The following CNTN5 variants were observed in gnomAD, a reference collection of about 807,000 sequenced individuals.
CNTN5 encodes contactin 5.
Under a neutral mutation model 129.1 loss-of-function variants are expected in CNTN5, and 77 were observed. The observed-to-expected ratio is 0.60, with a 90% CI of 0.50 to 0.72. CNTN5 has a LOEUF of 0.72. Among genes scored for constraint, CNTN5 ranks in the 30% least tolerant of loss-of-function variants. The probability of loss-of-function intolerance (pLI) is 0.00; values close to 1 mark genes in which losing one functional copy is unlikely to be tolerated. For synonymous variants in CNTN5, 509 were observed against 465.6 expected, an observed-to-expected ratio of 1.09 and a Z score of -1.20; for missense variants, 1,478 against 1,328.8, an observed-to-expected ratio of 1.11 and a Z score of -1.75.
chr11:100,050,176 G>A lies in CNTN5; in HGVS notation c.981-11036G>A, dbSNP rs892700197. On this transcript the variant is annotated intron_variant, in intron 9 of 24. Transcript: ENST00000524871. The stretch of plus-strand genomic sequence containing the variant: ...TGCTGCTATAAAGACACATGCACAC[G>A]TATGTTTATTGTGGCACTATTCACA... Among the ~76,000 whole-genome samples the A allele has an allele frequency of 7.4e-3, 1,120 of 152,190 alleles. 11 individuals carry two copies. The highest frequency in any genetic ancestry group is 0.025 in the African/African-American group (1,023 of 41,502).
chr11:99,393,408 A>G (rs777049360), intron 2 of CNTN5, among the ~76,000 whole-genome samples: 9 of 151,838 alleles, frequency 5.9e-5, no homozygotes, highest in Non-Finnish European at 1.3e-4. Context: ...TCCAGGCCCT[A>G]GGATAAATGT....
intron 9 of CNTN5, among the ~76,000 whole-genome samples, chr11:100,015,046 A>G (rs532016346): frequency 5.9e-5 from 9 of 152,268 alleles, no homozygotes; most frequent in African/African-American, 1.9e-4. Flanking sequence ...ATTACCATAA[A>G]TGTCTCTTAA....
chr11:99,338,949 T>A (rs1225088249), intron 2 of CNTN5, among the ~76,000 whole-genome samples: 3 of 134,444 alleles, frequency 2.2e-5, no homozygotes, highest in African/African-American at 7.9e-5. Flanking sequence ...TATATATATC[T>A]GTGATATATA....
At chr11:99,384,351 A>T (rs1304001813) in intron 2 of CNTN5, among the ~76,000 whole-genome samples, 1 of 152,152 alleles carries the variant, frequency 6.6e-6, no homozygotes, top group East Asian at 1.9e-4. Context: ...AAAAATACAA[A>T]TATACTTTCT....
chr11:100,188,432 G>A (rs114043412), intron 13 of CNTN5, among the ~76,000 whole-genome samples: 6,118 of 152,074 alleles, frequency 0.04, 169 homozygotes, highest in Middle Eastern at 0.14. Flanking sequence ...GTGAGACTCT[G>A]TCTTAAAACA....
intron 13 of CNTN5, among the ~76,000 whole-genome samples, chr11:100,113,099 C>G (rs531338218): frequency 5.9e-4 from 90 of 151,892 alleles, no homozygotes; most frequent in Admixed American, 1.1e-3. Context: ...AAATCTTAGT[C>G]TCTCTTTAAT....
intron 1 of CNTN5, among the ~76,000 whole-genome samples, chr11:99,230,409 A>G (rs951308279): frequency 2.0e-5 from 3 of 151,418 alleles, no homozygotes; most frequent in African/African-American, 7.3e-5. Flanking sequence ...AAATTTACAT[A>G]TTTTCCATGT....
At chr11:100,341,988 G>A (rs919704679) in intron 23 of CNTN5, among the ~76,000 whole-genome samples, 1 of 151,624 alleles carries the variant, frequency 6.6e-6, no homozygotes. Flanking sequence ...CATTATAGGT[G>A]GGTTTTCAAC....
At chr11:99,977,292 A>G (rs1938044052) in intron 8 of CNTN5, among the ~76,000 whole-genome samples, 1 of 152,146 alleles carries the variant, frequency 6.6e-6, no homozygotes, top group South Asian at 2.1e-4. Context: ...GAAGTTTTAA[A>G]CTTTCTCACA....
At chr11:99,724,911 G>A (rs1019762380) in intron 3 of CNTN5, among the ~76,000 whole-genome samples, 1 of 152,140 alleles carries the variant, frequency 6.6e-6, no homozygotes, top group African/African-American at 2.4e-5. Flanking sequence ...AAGGCTAATT[G>A]TATGATATCA....
chr11:99,654,895 A>C (rs1591430507), intron 3 of CNTN5, among the ~76,000 whole-genome samples: 1 of 24,756 alleles, frequency 4.0e-5, no homozygotes, highest in Non-Finnish European at 1.5e-4. Flanking sequence ...GTTGCAGCAG[A>C]AAAAAAGGTT....
Position 100,071,833 on chromosome 11 carries a change from A to G in CNTN5, c.1428A>G (p.Leu476=), listed in dbSNP as rs984995007. 3 of 1,581,088 alleles carry G rather than the reference A, an allele frequency of 1.9e-6. No homozygotes were observed. In the African/African-American group the frequency reaches 4.1e-5, roughly 22 times the overall value. The change falls in exon 12 of 25, where the codon CTA becomes CTG. Residue 476 remains leucine (L), a splice_region_variant and synonymous_variant. Coordinates refer to ENST00000524871, the MANE Select transcript of CNTN5 (RefSeq NM_014361.4). The part of the protein sequence containing the change: ...AIYASAELKI[L]ASAPTFALNQ... ...ACGCTAGTGCTGAGCTGAAGATTCT[A>G]GGTATGCAGTTTCTAAGTGAATAAA...
chr11:99,863,401 GAT>G (rs1948268236), intron 6 of CNTN5, among the ~76,000 whole-genome samples: 1 of 152,000 alleles, frequency 6.6e-6, no homozygotes, highest in African/African-American at 2.4e-5. Flanking sequence ...AGGGAAAAGG[GAT>G]AAAGGAGCAA....
chr11:99,174,002 TTG>T (rs10696025), intron 1 of CNTN5, among the ~76,000 whole-genome samples: 1 of 150,760 alleles, frequency 6.6e-6, no homozygotes, highest in Non-Finnish European at 1.5e-5. Flanking sequence ...AAAATGCCTT[TTG>T]TGTGTGTGTG....
chr11:99,993,840 C>T (rs1409503431), intron 8 of CNTN5, among the ~76,000 whole-genome samples: 1 of 152,082 alleles, frequency 6.6e-6, no homozygotes, highest in East Asian at 1.9e-4. Flanking sequence ...TGTTAAATGG[C>T]AAGATGTCTA....
intron 13 of CNTN5, among the ~76,000 whole-genome samples, chr11:100,153,113 G>A (rs1947123106): frequency 6.6e-6 from 1 of 152,130 alleles, no homozygotes; most frequent in African/African-American, 2.4e-5. Flanking sequence ...GAGCAACTGA[G>A]CAAACATTCT....
At chr11:99,591,504 A>AT (rs1949979185) in intron 3 of CNTN5, among the ~76,000 whole-genome samples, 2 of 151,494 alleles carry the variant, frequency 1.3e-5, no homozygotes, top group South Asian at 4.2e-4. Flanking sequence ...TGCCCGGCTA[A>AT]TTTTTTTGTA....
chr11:100,318,051 C>T (rs989982566), intron 21 of CNTN5, among the ~76,000 whole-genome samples: 1 of 151,854 alleles, frequency 6.6e-6, no homozygotes, highest in African/African-American at 2.4e-5. Flanking sequence ...AGCATCCTGG[C>T]TAACACAGTG....
At chr11:100,286,037 G>C (rs1018098911) in intron 18 of CNTN5, among the ~76,000 whole-genome samples, 9 of 152,152 alleles carry the variant, frequency 5.9e-5, no homozygotes, top group African/African-American at 2.2e-4. Flanking sequence ...CTAATACTGC[G>C]CTTTTCCGAT....
Sources: gnomAD v4.1 joint callset for allele counts (sites outside exome capture counted in the v4.1 genomes callset) on GRCh38, gnomAD v4.1.1 for gene constraint, MANE v1.5 for transcripts, NCBI Gene and HGNC (gene_info 2026-07-23, HGNC 2026-07-21) for gene names.